EIF4A3: variants seen among roughly 807,000 people sequenced by gnomAD.
EIF4A3 encodes eukaryotic translation initiation factor 4A3.
Under a neutral mutation model 55.6 loss-of-function variants are expected in EIF4A3, and 1 was observed. The observed-to-expected ratio is 0.02, with a 90% CI of 0.01 to 0.09. The LOEUF (loss-of-function observed/expected upper bound fraction) is 0.09. Ranked by LOEUF, EIF4A3 falls within the 10% of genes least tolerant of loss-of-function variation. The probability of loss-of-function intolerance (pLI) is 1.00; values close to 1 mark genes in which losing one functional copy is unlikely to be tolerated. For synonymous variants in EIF4A3, 194 were observed against 196.3 expected (o/e 0.99, Z 0.10); for missense variants, 221 against 540.7 (o/e 0.41, Z 5.86).
At position 80,139,917 on chromosome 17, in the gene EIF4A3, C is replaced by T. The variant is rs901292153; in HGVS notation, c.505+91G>A. ...GACCCAGGTGCAAAAGTCTACCGTG[C>T]GGCCTACCAAATCGAAAGCTGTCCT... On this transcript the variant is annotated intron_variant, in intron 5 of 11. Coordinates refer to ENST00000649764, the MANE Select transcript of EIF4A3 (RefSeq NM_014740.4). 50 of 1,547,938 alleles carry T rather than the reference C, an allele frequency of 3.2e-5. No homozygotes were observed. In the African/African-American group the frequency reaches 4.9e-4, roughly 15 times the overall value.
intron 6 of EIF4A3, 141 bp from the exon 7 acceptor site, chr17:80,139,303 C>T: frequency 8.9e-7 from 1 of 1,122,686 alleles, no homozygotes. Flanking sequence ...TTTACAGCAC[C>T]AGGCCACATC....
At position 80,138,095 on chromosome 17, in the gene EIF4A3, A is replaced by C. The variant is rs749139245; in HGVS notation, c.867+47T>G. 1.9e-6 allele frequency: 3 copies of C among 1,588,524 alleles called. No homozygotes were observed. In the South Asian group the frequency reaches 3.3e-5, roughly 18 times the overall value. Reference sequence around the variant, plus strand: ...TTGATTTATGTCATTCAGAGACTCAATCTGCAGTTTCCCTTCAGCACATGG... The same window carrying C: ...TTGATTTATGTCATTCAGAGACTCACTCTGCAGTTTCCCTTCAGCACATGG... On this transcript the variant is annotated intron_variant, in intron 8 of 11. Coordinates refer to ENST00000649764, the MANE Select transcript of EIF4A3 (RefSeq NM_014740.4).
intron 2 of EIF4A3, 81 bp downstream of exon 2, chr17:80,144,089 GAA>G: frequency 1.5e-6 from 2 of 1,320,592 alleles, no homozygotes; most frequent in Non-Finnish European, 1.1e-6. Flanking sequence ...CAAGCTGAGG[GAA>G]ACAGTCATCC....
intron 8 of EIF4A3, 44 bp downstream of exon 8, chr17:80,138,086 AGAGACTCAATCT>A (rs1183308396): frequency 1.0e-5 from 16 of 1,582,982 alleles, no homozygotes; most frequent in African/African-American, 1.4e-5. Context: ...TATGTCATTC[AGAGACTCAATCT>A]GCAGTTTCCC....
rs1374043167 is a variant in EIF4A3, at chr17:80,134,378, A to G, written c.*1112T>C. On this transcript the variant is annotated 3_prime_UTR_variant, in exon 12 of 12. Coordinates refer to ENST00000649764, the MANE Select transcript of EIF4A3 (RefSeq NM_014740.4). ...GTAATTACTTTAAATATTTCAACAGATAACTTAAATACTTTAATAATTTAA... is the reference window on the plus strand; with the variant it reads ...GTAATTACTTTAAATATTTCAACAGGTAACTTAAATACTTTAATAATTTAA... 6.6e-6 allele frequency among the ~76,000 whole-genome samples: 1 copy of G among 152,188 alleles called. No individual in the cohort carries two copies. Among genetic ancestry groups the G allele is most frequent in the Non-Finnish European group, 1.5e-5 (1 of 68,030 alleles).
rs907842340 is a variant in EIF4A3 at position 80,135,001 on chromosome 17, A to T, written c.*489T>A. ...CCCGTCTCTACTGAAAATACAAAAA[A>T]ATTAGCCTGGCATGGTGGCGGCCGC... On this transcript the variant is annotated 3_prime_UTR_variant, in exon 12 of 12. Transcript: ENST00000649764. Among the ~76,000 whole-genome samples, 10 of 151,724 alleles carry T rather than the reference A, an allele frequency of 6.6e-5. No homozygotes were observed. The highest frequency in any genetic ancestry group is 2.4e-4 in the African/African-American group (10 of 41,320).
At chr17:80,137,950 G>C (rs1300422802) in intron 8 of EIF4A3, among the ~76,000 whole-genome samples, 192 bp downstream of exon 8, 2 of 152,170 alleles carry the variant, frequency 1.3e-5, no homozygotes, top group African/African-American at 4.8e-5. Context: ...TTCTGTAAAT[G>C]AAGTTTTAAT....
At chr17:80,144,384 C>A in intron 1 of EIF4A3, 140 bp from the exon 2 acceptor site, 1 of 704,662 alleles carries the variant, frequency 1.4e-6, no homozygotes. Flanking sequence ...AGCAAGCTCT[C>A]AAAACCCAGG....
At chr17:80,138,361 G>C in intron 7 of EIF4A3, 81 bp from the exon 8 acceptor site, 1 of 1,553,296 alleles carries the variant, frequency 6.4e-7, no homozygotes, top group Non-Finnish European at 8.8e-7. Flanking sequence ...GATCCAGGGA[G>C]ACCCTGGTGG....
chr17:80,135,923 C>A (rs926857202), intron 11 of EIF4A3, 81 bp downstream of exon 11: 3 of 1,548,002 alleles, frequency 1.9e-6, no homozygotes, highest in Non-Finnish European at 2.6e-6. Flanking sequence ...CCCACAACAA[C>A]AAAAAAACAA....
intron 4 of EIF4A3, 158 bp from the exon 5 acceptor site, chr17:80,140,298 A>C: frequency 9.8e-7 from 1 of 1,018,990 alleles, no homozygotes; most frequent in Non-Finnish European, 1.3e-6. Context: ...CTCTGACAAA[A>C]ACAAGTTAAT....
intron 9 of EIF4A3, 51 bp downstream of exon 9, chr17:80,137,335 G>T: frequency 6.5e-7 from 1 of 1,533,932 alleles, no homozygotes; most frequent in East Asian, 2.3e-5. Context: ...GAAGTGCTTA[G>T]ACACAGTCTA....
At chr17:80,135,683 G>A in intron 11 of EIF4A3, 177 bp from the exon 12 acceptor site, 2 of 637,864 alleles carry the variant, frequency 3.1e-6, no homozygotes, top group Non-Finnish European at 2.7e-6. Flanking sequence ...ATCATTTGAG[G>A]CCAGGAGTTC....
At chr17:80,144,311 C>T (rs560451465) in intron 1 of EIF4A3, 67 bp from the exon 2 acceptor site, 1 of 1,446,544 alleles carries the variant, frequency 6.9e-7, no homozygotes, top group East Asian at 2.3e-5. Flanking sequence ...ACTGTGAGCT[C>T]CTCAGGGGCA....
chr17:80,139,583 A>G, intron 6 of EIF4A3, 87 bp downstream of exon 6: 1 of 1,156,176 alleles, frequency 8.6e-7, no homozygotes, highest in Non-Finnish European at 1.3e-6. Context: ...CATTCAGAAC[A>G]GTCACTGGCT....
At chr17:80,135,594 ACTTCT>A in intron 11 of EIF4A3, 88 bp from the exon 12 acceptor site, 1 of 1,219,648 alleles carries the variant, frequency 8.2e-7, no homozygotes, top group African/African-American at 1.5e-5. Context: ...CTCACAACAG[ACTTCT>A]CAAAACAAAA....
chr17:80,141,298 C>A (rs1328889374), intron 4 of EIF4A3, 21 bp downstream of exon 4: 3 of 1,607,402 alleles, frequency 1.9e-6, no homozygotes, highest in Non-Finnish European at 2.6e-6. Flanking sequence ...AATCGGACAC[C>A]GCTATCTTTA....
At chr17:80,145,920 C>G (rs1486442987) in intron 1 of EIF4A3, among the ~76,000 whole-genome samples, 1 of 152,164 alleles carries the variant, frequency 6.6e-6, no homozygotes, top group Non-Finnish European at 1.5e-5. Context: ...CTTCCCTGAA[C>G]TGCAGCAAAA....
At chr17:80,146,262 A>G (rs539465493) in intron 1 of EIF4A3, among the ~76,000 whole-genome samples, 5 of 151,940 alleles carry the variant, frequency 3.3e-5, no homozygotes, top group East Asian at 3.9e-4. Context: ...AGTCTCCTTC[A>G]TCCAGAACTC....
Sources: gnomAD v4.1 joint callset for allele counts (sites outside exome capture counted in the v4.1 genomes callset) on GRCh38, gnomAD v4.1.1 for gene constraint, MANE v1.5 for transcripts, NCBI Gene and HGNC (gene_info 2026-07-23, HGNC 2026-07-21) for gene names.